Variants in IL23R observed in about 807,000 individuals in gnomAD.
The protein encoded by IL23R is interleukin 23 receptor, also known as interleukin-23 receptor.
A neutral mutation model predicts 56.9 loss-of-function variants in IL23R; 34 were observed. The ratio of observed to expected loss-of-function variants is 0.60; its 90% CI spans 0.45 to 0.80. IL23R has a LOEUF of 0.80. Ranked by LOEUF, IL23R falls within the 30% of genes least tolerant of loss-of-function variation. The pLI is 0.00. For missense variants in IL23R, 635 were observed against 730.0 expected, an observed-to-expected ratio of 0.87 and a Z score of 1.50; for synonymous variants, 230 against 249.2, an observed-to-expected ratio of 0.92 and a Z score of 0.73.
At chr1:67,224,888 T>G (rs1156611449) in intron 7 of IL23R, among the ~76,000 whole-genome samples, 1 of 152,232 alleles carries the variant, frequency 6.6e-6, no homozygotes, top group Non-Finnish European at 1.5e-5. Context: ...ATAAGCATTT[T>G]ACATATGAAT....
intron 7 of IL23R, among the ~76,000 whole-genome samples, chr1:67,222,667 A>T (rs1278909593): frequency 6.6e-6 from 1 of 152,140 alleles, no homozygotes; most frequent in Non-Finnish European, 1.5e-5. Flanking sequence ...TGTCAGCCAT[A>T]TTTGGTAGTG....
At chr1:67,179,808 G>T (rs1228164419) in intron 3 of IL23R, among the ~76,000 whole-genome samples, 2 of 151,862 alleles carry the variant, frequency 1.3e-5, no homozygotes, top group Non-Finnish European at 2.9e-5. Flanking sequence ...CAGAGATTCG[G>T]GTATGTTGTG....
intron 1 of IL23R, among the ~76,000 whole-genome samples, chr1:67,148,615 G>A (rs1404585569): frequency 6.6e-6 from 1 of 152,222 alleles, no homozygotes; most frequent in African/African-American, 2.4e-5. Flanking sequence ...AATCCAGCTA[G>A]TCCTGTCTCT....
At chr1:67,198,530 C>T (rs1648350390) in intron 4 of IL23R, among the ~76,000 whole-genome samples, 1 of 152,270 alleles carries the variant, frequency 6.6e-6, no homozygotes, top group Non-Finnish European at 1.5e-5. Flanking sequence ...CTTAATAGCC[C>T]TCTCTATTCC....
At chr1:67,213,605 T>A (rs1271425298) in intron 6 of IL23R, among the ~76,000 whole-genome samples, 1 of 152,182 alleles carries the variant, frequency 6.6e-6, no homozygotes, top group Non-Finnish European at 1.5e-5. Flanking sequence ...ACCTAGTGAT[T>A]TATATTACAA....
At chr1:67,245,909 G>A (rs561477209) in intron 9 of IL23R, among the ~76,000 whole-genome samples, 1 of 152,148 alleles carries the variant, frequency 6.6e-6, no homozygotes, top group Non-Finnish European at 1.5e-5. Context: ...TTGTACCTCT[G>A]GTAGAATGTG....
intron 1 of IL23R, among the ~76,000 whole-genome samples, chr1:67,140,714 T>C (rs1354847335): frequency 4.6e-5 from 7 of 152,192 alleles, no homozygotes; most frequent in Non-Finnish European, 1.0e-4. Flanking sequence ...ACAAAACTTG[T>C]AACGATGATT....
At chr1:67,189,471 T>C (rs1057154413) in intron 4 of IL23R, among the ~76,000 whole-genome samples, 4 of 152,170 alleles carry the variant, frequency 2.6e-5, no homozygotes, top group Non-Finnish European at 5.9e-5. Context: ...GGAGGCCAGA[T>C]TAATGGGATT....
rs1250367150 is a variant in IL23R, at chr1:67,259,157, A to T, written c.*29A>T. On this transcript the variant is annotated 3_prime_UTR_variant, in exon 11 of 11. Transcript: ENST00000347310. ...TGTGTGGTCAAAATCAATATGAGAA[A>T]GCTGCCTTGCAATCTGAACTTGGGT... The T allele has an allele frequency of 3.1e-6, 5 of 1,611,304 alleles. No homozygotes were observed. The South Asian group carries it at 5.5e-5, about 18-fold the overall frequency.
intron 5 of IL23R, among the ~76,000 whole-genome samples, chr1:67,205,211 T>G (rs768702259): frequency 5.3e-5 from 8 of 152,234 alleles, no homozygotes; most frequent in Non-Finnish European, 7.3e-5. Context: ...ACGCCAGGTG[T>G]AGCCCCCAAA....
intron 9 of IL23R, among the ~76,000 whole-genome samples, chr1:67,242,544 G>A (rs1452874660): frequency 6.6e-6 from 1 of 152,114 alleles, no homozygotes; most frequent in Non-Finnish European, 1.5e-5. Context: ...AAGCTGTCCT[G>A]GTTAGCTTTA....
At chr1:67,178,893 G>T (rs139695766) in intron 3 of IL23R, among the ~76,000 whole-genome samples, 3,211 of 152,210 alleles carry the variant, frequency 0.021, 102 homozygotes, top group African/African-American at 0.073. Flanking sequence ...TTTTGTCATT[G>T]GTTCTGTTGA....
At chr1:67,240,584 A>C (rs529149220) in intron 9 of IL23R, among the ~76,000 whole-genome samples, 81 of 152,336 alleles carry the variant, frequency 5.3e-4, no homozygotes, top group African/African-American at 1.8e-3. Context: ...CCCTGAGTCC[A>C]AACACAGCTG....
chr1:67,165,286 C>T (rs547720090), upstream of IL23R, among the ~76,000 whole-genome samples: 1 of 152,172 alleles, frequency 6.6e-6, no homozygotes, highest in Admixed American at 6.5e-5. Context: ...TTTGGGGTGC[C>T]TATGATAAAA....
chr1:67,230,406 G>T (rs1031889516), intron 7 of IL23R, among the ~76,000 whole-genome samples: 9 of 152,200 alleles, frequency 5.9e-5, no homozygotes, highest in African/African-American at 1.7e-4. Flanking sequence ...TGAGGAATCT[G>T]TTGGCCACTG....
intron 9 of IL23R, 60 bp from the exon 10 acceptor site, chr1:67,255,777 G>A (rs1652911322): frequency 1.2e-6 from 1 of 862,980 alleles, no homozygotes; most frequent in South Asian, 1.3e-5. Context: ...TATTCTAGTT[G>A]ACTTCCTAAT....
At position 67,258,779 on chromosome 1, in the gene IL23R, A is replaced by G. The variant is rs765181765; in HGVS notation, c.1541A>G (p.Asp514Gly). Residue 514 changes from aspartate to glycine, a missense_variant, in exon 11 of 11, where the codon GAT (aspartate) becomes GGT (glycine). Physicochemically the swap from Asp to Gly is moderately conservative, Grantham distance 94. Coordinates refer to ENST00000347310, the MANE Select transcript of IL23R (RefSeq NM_144701.3). ...ITSLTLKPPV[D>G]SLDSGNNPRL... ...TCCTTAACACTTAAACCACCAGTTG[A>G]TTCCTTAGACTCAGGAAATAATCCC... is the stretch of plus-strand genomic sequence containing the variant. 1.2e-6 allele frequency: 2 copies of G among 1,610,994 alleles called. No homozygotes were observed. The highest frequency in any genetic ancestry group is 2.2e-5 in the South Asian group (2 of 90,854).
intron 1 of IL23R, among the ~76,000 whole-genome samples, chr1:67,156,203 A>G (rs955044809): frequency 6.6e-6 from 1 of 152,120 alleles, no homozygotes; most frequent in Non-Finnish European, 1.5e-5. Flanking sequence ...TGCCAGCCAG[A>G]GCTCTCCTGT....
At chr1:67,179,818 G>T (rs9753403) in intron 3 of IL23R, among the ~76,000 whole-genome samples, 1 of 152,004 alleles carries the variant, frequency 6.6e-6, no homozygotes, top group Non-Finnish European at 1.5e-5. Context: ...GGTATGTTGT[G>T]TCTTTGTTCT....
Sources: gnomAD v4.1 joint callset for allele counts (sites outside exome capture counted in the v4.1 genomes callset) on GRCh38, gnomAD v4.1.1 for gene constraint, MANE v1.5 for transcripts, NCBI Gene and HGNC (gene_info 2026-07-23, HGNC 2026-07-21) for gene names.